Variants in INSR observed in about 807,000 individuals in gnomAD.
INSR encodes insulin receptor.
A neutral mutation model predicts 142.6 loss-of-function variants in INSR; 67 were observed. The observed-to-expected ratio is 0.47, with a 90% confidence interval of 0.39 to 0.58. The LOEUF is 0.58. Among genes scored for constraint, INSR ranks in the 20% least tolerant of loss-of-function variants. The pLI is 0.00. For missense variants in INSR, 1,248 were observed against 1,833.2 expected, an observed-to-expected ratio of 0.68 and a Z score of 5.83; for synonymous variants, 756 against 743.1, an observed-to-expected ratio of 1.02 and a Z score of -0.28.
At chr19:7,141,520 G>T in intron 13 of INSR, 157 bp downstream of exon 13, 2 of 1,003,676 alleles carry the variant, frequency 2.0e-6, no homozygotes, top group Non-Finnish European at 3.0e-6. Context: ...CCATCTTCCT[G>T]CGAAGTCAGG....
intron 8 of INSR, among the ~76,000 whole-genome samples, chr19:7,164,615 C>T (rs1403858036): frequency 1.6e-5 from 2 of 128,230 alleles, no homozygotes; most frequent in Non-Finnish European, 3.1e-5. Flanking sequence ...GCTCGGAGTT[C>T]GAGACCAGCC....
intron 11 of INSR, among the ~76,000 whole-genome samples, chr19:7,148,073 C>T (rs1973226365): frequency 2.0e-5 from 3 of 151,772 alleles, no homozygotes; most frequent in Admixed American, 2.0e-4. Context: ...ATCATCATGC[C>T]CGGCTAATTT....
intron 11 of INSR, among the ~76,000 whole-genome samples, chr19:7,149,936 A>AAGGAAGGAAGGAAG (rs1973289242): frequency 6.9e-6 from 1 of 144,284 alleles, no homozygotes; most frequent in African/African-American, 2.6e-5. Context: ...AAAAAAAGAA[A>AAGGAAGGAAGGAAG]GAAGGAAGGA....
intron 2 of INSR, among the ~76,000 whole-genome samples, chr19:7,191,633 C>A (rs947296847): frequency 6.6e-6 from 1 of 152,054 alleles, no homozygotes; most frequent in African/African-American, 2.4e-5. Flanking sequence ...CTAGCCTGGG[C>A]AAAATAGCCA....
At chr19:7,120,289 T>C in intron 20 of INSR, among the ~76,000 whole-genome samples, 1 of 152,190 alleles carries the variant, frequency 6.6e-6, no homozygotes, top group East Asian at 1.9e-4. Flanking sequence ...CATGTCTCCC[T>C]AAAATGTATA....
chr19:7,202,883 G>C (rs972302454), intron 2 of INSR, among the ~76,000 whole-genome samples: 4 of 151,902 alleles, frequency 2.6e-5, no homozygotes, highest in Non-Finnish European at 5.9e-5. Flanking sequence ...TTACATGCTT[G>C]TTCAGTTAAG....
intron 2 of INSR, among the ~76,000 whole-genome samples, chr19:7,198,574 C>T (rs1974858916): frequency 6.6e-6 from 1 of 152,084 alleles, no homozygotes; most frequent in Non-Finnish European, 1.5e-5. Context: ...CCCCAGGCCT[C>T]CCTCGGGAGG....
chr19:7,246,789 G>C (rs1369604312), intron 2 of INSR, among the ~76,000 whole-genome samples: 1 of 150,456 alleles, frequency 6.6e-6, no homozygotes, highest in Non-Finnish European at 1.5e-5. Flanking sequence ...GTTTCAGGGT[G>C]GTTTGTTACA....
chr19:7,239,826 G>GA lies in INSR; in HGVS notation c.652+27518dup, dbSNP rs3084092. ...ACTTAAAGAACATAGTGGCTGAGAG[G>GA]AAAAAAAAAAGCATTTGGCTTAAGA... On this transcript the variant is annotated intron_variant, in intron 2 of 21. Coordinates refer to ENST00000302850, the MANE Select transcript of INSR (RefSeq NM_000208.4). 8.4e-3 allele frequency among the ~76,000 whole-genome samples: 730 copies of GA among 86,872 alleles called. 13 individuals are homozygous for GA. Among genetic ancestry groups the GA allele is most frequent in the Non-Finnish European group, 7.6e-3 (316 of 41,400 alleles). The allele number at this position is 86,872 out of a possible 152,430, so 57.0% of individuals were successfully genotyped here.
At chr19:7,208,581 C>CAGCTG (rs1447126297) in intron 2 of INSR, among the ~76,000 whole-genome samples, 1 of 152,176 alleles carries the variant, frequency 6.6e-6, no homozygotes, top group African/African-American at 2.4e-5. Context: ...GAGAAAACAA[C>CAGCTG]AGCTGTGGCC....
chr19:7,211,445 T>C (rs1975271858), intron 2 of INSR, among the ~76,000 whole-genome samples: 1 of 152,218 alleles, frequency 6.6e-6, no homozygotes, highest in East Asian at 1.9e-4. Flanking sequence ...CAGGTAAGGA[T>C]TTCACTCCAT....
At chr19:7,271,653 A>G (rs1967929496) in intron 1 of INSR, among the ~76,000 whole-genome samples, 1 of 152,334 alleles carries the variant, frequency 6.6e-6, no homozygotes, top group Non-Finnish European at 1.5e-5. Flanking sequence ...GTAACTACCT[A>G]AGAGAAATGA....
At chr19:7,260,691 G>A (rs1977030408) in intron 2 of INSR, among the ~76,000 whole-genome samples, 1 of 151,928 alleles carries the variant, frequency 6.6e-6, no homozygotes, top group African/African-American at 2.4e-5. Flanking sequence ...GGACACTCAC[G>A]GAGCACCTGA....
At chr19:7,199,388 T>C (rs555231646) in intron 2 of INSR, among the ~76,000 whole-genome samples, 6 of 151,534 alleles carry the variant, frequency 4.0e-5, no homozygotes, top group African/African-American at 1.5e-4. Flanking sequence ...GGGAGTTTGT[T>C]TGATTTTTTA....
In INSR at chr19:7,212,742, C is replaced by T. The variant is rs142657367; in HGVS notation, c.653-28105G>A. 7.9e-5 allele frequency among the ~76,000 whole-genome samples: 12 copies of T among 152,102 alleles called. No homozygotes were observed. In the South Asian group the frequency reaches 1.0e-3, roughly 13 times the overall value. On this transcript the variant is annotated intron_variant, in intron 2 of 21. Coordinates refer to ENST00000302850, the MANE Select transcript of INSR (RefSeq NM_000208.4). ...TTGGGACTACAGGCACCCACCCCCA[C>T]GTCCTGCTAATTTTTTGTATTTTTA...
At chr19:7,243,476 C>T (rs1176813681) in intron 2 of INSR, among the ~76,000 whole-genome samples, 1 of 151,836 alleles carries the variant, frequency 6.6e-6, no homozygotes, top group Non-Finnish European at 1.5e-5. Context: ...GAACCCCTGA[C>T]CTCCAGTGAT....
chr19:7,182,059 C>T (rs1189970111), intron 3 of INSR, among the ~76,000 whole-genome samples: 1 of 151,328 alleles, frequency 6.6e-6, no homozygotes, highest in African/African-American at 2.4e-5. Context: ...AGGCCAGGTG[C>T]GGTGGCTCAT....
At chr19:7,229,400 G>T (rs886748705) in intron 2 of INSR, among the ~76,000 whole-genome samples, 2 of 152,034 alleles carry the variant, frequency 1.3e-5, no homozygotes, top group African/African-American at 4.8e-5. Flanking sequence ...GGGAGTGATA[G>T]ATATAAAGCC....
At chr19:7,121,706 A>G (rs1972496382) in intron 19 of INSR, among the ~76,000 whole-genome samples, 1 of 152,196 alleles carries the variant, frequency 6.6e-6, no homozygotes, top group Non-Finnish European at 1.5e-5. Flanking sequence ...GGACTCAAGC[A>G]GTCTTTACAC....
Sources: allele counts gnomAD v4.1 joint callset (sites outside exome capture counted in the v4.1 genomes callset), GRCh38; gene constraint gnomAD v4.1.1; transcripts MANE v1.5; gene names NCBI Gene and HGNC (gene_info 2026-07-23, HGNC 2026-07-21).